The following SV2B variants were observed in gnomAD, a reference collection of about 807,000 sequenced individuals.
The protein encoded by SV2B is synaptic vesicle glycoprotein 2B.
SV2B carries 41 observed loss-of-function variants against 73.9 expected under a neutral mutation model. That is an observed-to-expected ratio of 0.56 (90% confidence interval 0.43 to 0.72). The LOEUF is 0.72. Ranked by LOEUF, SV2B falls within the 30% of genes least tolerant of loss-of-function variation. The pLI is 0.00. For missense variants in SV2B, 764 were observed against 857.8 expected (o/e 0.89, Z 1.37); for synonymous variants, 314 against 314.2 (o/e 1.00, Z 0.01).
At position 91,284,659 on chromosome 15, in the gene SV2B, T is replaced by C. The variant is rs1377015829; in HGVS notation, c.1708+438T>C. ...TAGGCTTTGGAGTTGGACAGAGTCA[T>C]GTTGAAATCCTATCACCGAAAGGCT... On this transcript the variant is annotated intron_variant, in intron 11 of 12. Transcript: ENST00000394232. The surrounding 1 kb of genome is among the most constrained non-coding windows in gnomAD (Gnocchi z 4.5). Among the ~76,000 whole-genome samples the C allele has an allele frequency of 6.6e-6, 1 of 152,350 alleles. No homozygotes were observed. The highest frequency in any genetic ancestry group is 1.9e-4 in the East Asian group (1 of 5,182).
In SV2B at chr15:91,141,976, G is replaced by A. The variant is rs2043010167; in HGVS notation, c.-392+41613G>A. ...AGGAATGGCACAAAGAGAGCAGGGA[G>A]GCAGAGAGGTAAGATACACGGCTTT... is the stretch of plus-strand genomic sequence containing the variant. On this transcript the variant is annotated intron_variant, in intron 1 of 12. Coordinates refer to ENST00000394232, the MANE Select transcript of SV2B (RefSeq NM_001323032.3). This position sits in a 1 kb window ranked among gnomAD's most constrained non-coding sequence, Gnocchi z 4.6. 6.6e-6 allele frequency among the ~76,000 whole-genome samples: 1 copy of A among 152,142 alleles called. No homozygotes were observed. The highest frequency in any genetic ancestry group is 6.6e-5 in the Admixed American group (1 of 15,264).
chr15:91,146,183 TTTCAATC>T lies in SV2B; in HGVS notation c.-392+45824_-392+45830del, dbSNP rs557367994. 4.6e-5 allele frequency among the ~76,000 whole-genome samples: 7 copies of T among 152,378 alleles called. No homozygotes were observed. In the South Asian group the frequency reaches 1.2e-3, roughly 27 times the overall value. ...TATATGGTGTAAGGAAGGGATCCAGTTTCAATCTTCTGCATATGGCTAGCCAGTTATC... is the reference window on the plus strand; with the variant it reads ...TATATGGTGTAAGGAAGGGATCCAGTTTCTGCATATGGCTAGCCAGTTATC... On this transcript the variant is annotated intron_variant, in intron 1 of 12. Transcript: ENST00000394232.
chr15:91,180,366 T>C (rs892018616), intron 1 of SV2B, among the ~76,000 whole-genome samples: 5 of 152,022 alleles, frequency 3.3e-5, no homozygotes, highest in African/African-American at 7.2e-5. Context: ...CTGACAATTA[T>C]GTGTCTTGGA....
chr15:91,196,527 G>C (rs2045250948), intron 1 of SV2B, among the ~76,000 whole-genome samples: 1 of 152,214 alleles, frequency 6.6e-6, no homozygotes, highest in Admixed American at 6.5e-5. Context: ...GAGGCCGGTT[G>C]TGGGATATGG....
chr15:91,269,856 C>T (rs1432446271), intron 9 of SV2B, among the ~76,000 whole-genome samples: 20 of 152,002 alleles, frequency 1.3e-4, no homozygotes, highest in African/African-American at 2.4e-5. Flanking sequence ...ATGCTGAAGC[C>T]CAGTTGCAGA....
In SV2B at chr15:91,224,853, A is replaced by G. The variant is rs1188659539; in HGVS notation, c.-391-1020A>G. Among the ~76,000 whole-genome samples, 1 of 152,166 alleles carries G rather than the reference A, an allele frequency of 6.6e-6. No homozygotes were observed. Among genetic ancestry groups the G allele is most frequent in the Non-Finnish European group, 1.5e-5 (1 of 68,030 alleles). Reference sequence around the variant, plus strand: ...GGCCCCAAGCCTTGTGAAACCTGAGATTCTAGGCACAATGAGAATCCACTG... The same window carrying G: ...GGCCCCAAGCCTTGTGAAACCTGAGGTTCTAGGCACAATGAGAATCCACTG... On this transcript the variant is annotated intron_variant, in intron 1 of 12. Transcript: ENST00000394232. This position sits in a 1 kb window ranked among gnomAD's most constrained non-coding sequence, Gnocchi z 4.9.
At chr15:91,233,619 G>A (rs2141523887) in intron 2 of SV2B, among the ~76,000 whole-genome samples, 1 of 152,316 alleles carries the variant, frequency 6.6e-6, no homozygotes, top group South Asian at 2.1e-4. Context: ...TGTGTGGGAA[G>A]ACTGATGAAA....
intron 6 of SV2B, among the ~76,000 whole-genome samples, chr15:91,262,359 A>C (rs59347374): frequency 0.1 from 15,461 of 152,244 alleles, 1,725 homozygotes; most frequent in African/African-American, 0.28. Context: ...TCATAAATTA[A>C]CTCAAGTTAT....
At chr15:91,178,690 G>A (rs1712566485) in intron 1 of SV2B, among the ~76,000 whole-genome samples, 2 of 151,546 alleles carry the variant, frequency 1.3e-5, no homozygotes, top group Non-Finnish European at 2.9e-5. Context: ...AGAGGTGTTT[G>A]TAGTATTCTC....
rs1261848929 is a variant in SV2B, at chr15:91,301,465, TTGG to T, written c.*8916_*8918del. Among the ~76,000 whole-genome samples, 1 of 152,252 alleles carries T rather than the reference TTGG, an allele frequency of 6.6e-6. No homozygotes were observed. On this transcript the variant is annotated 3_prime_UTR_variant, in exon 13 of 13. Transcript: ENST00000394232. The surrounding 1 kb of genome is among the most constrained non-coding windows in gnomAD (Gnocchi z 4.3). Reference sequence around the variant, plus strand: ...ATAGTAGTAACAGTTGATCTGGTGATTGGTGAATACAGTTTAATCTTTAATACC... The same window carrying T: ...ATAGTAGTAACAGTTGATCTGGTGATTGAATACAGTTTAATCTTTAATACC...
intron 1 of SV2B, among the ~76,000 whole-genome samples, chr15:91,177,104 A>C (rs12908328): frequency 0.73 from 105,587 of 145,368 alleles, 39,448 homozygotes; most frequent in African/African-American, 0.91. Flanking sequence ...TCAGCTTTCA[A>C]CATATGGCTA....
rs1346505541 is a variant in SV2B at position 91,298,901 on chromosome 15, C to T, written c.*6349C>T. The stretch of plus-strand genomic sequence containing the variant: ...TGGTGGCCCTGTCCTCCACTTCTTA[C>T]CTACCATATATAATCTCAGTAATTC... On this transcript the variant is annotated 3_prime_UTR_variant, in exon 13 of 13. Transcript: ENST00000394232. The surrounding 1 kb of genome is among the most constrained non-coding windows in gnomAD (Gnocchi z 5.4). 1 of 152,140 alleles carries T rather than the reference C, an allele frequency of 6.6e-6. No homozygotes were observed. The highest frequency in any genetic ancestry group is 1.5e-5 in the Non-Finnish European group (1 of 68,022). The allele number at this position is 152,140 out of a possible 1,614,324, so 9.4% of individuals were successfully genotyped here.
rs2047172589 is a variant in SV2B, at chr15:91,245,130, A to G, written c.452-6689A>G. On this transcript the variant is annotated intron_variant, in intron 2 of 12. Transcript: ENST00000394232. The surrounding 1 kb of genome is among the most constrained non-coding windows in gnomAD (Gnocchi z 4.2). Reference sequence around the variant, plus strand: ...TCCTGCTGCCTCTGGTGTGGAGAGGAAATCTTCTGTCTGTGTGAAAAGCAT... The same window carrying G: ...TCCTGCTGCCTCTGGTGTGGAGAGGGAATCTTCTGTCTGTGTGAAAAGCAT... Among the ~76,000 whole-genome samples, 1 of 152,170 alleles carries G rather than the reference A, an allele frequency of 6.6e-6. No individual in the cohort carries two copies. Among genetic ancestry groups the G allele is most frequent in the Admixed American group, 6.5e-5 (1 of 15,272 alleles).
At chr15:91,270,066 C>T (rs763025347) in intron 9 of SV2B, among the ~76,000 whole-genome samples, 1 of 152,050 alleles carries the variant, frequency 6.6e-6, no homozygotes, top group South Asian at 2.1e-4. Context: ...GAAATATCAC[C>T]CTTGCTTTAT....
In SV2B at chr15:91,239,194, C is replaced by G. The variant is rs1367100218; in HGVS notation, c.451+12480C>G. ...ACATCCTCTTCTCCGTGTGGGCTGG[C>G]CTGGCTGCTTGAATGTGTGGAGTGT... On this transcript the variant is annotated intron_variant, in intron 2 of 12. Coordinates refer to ENST00000394232, the MANE Select transcript of SV2B (RefSeq NM_001323032.3). The surrounding 1 kb of genome is among the most constrained non-coding windows in gnomAD (Gnocchi z 5.1). Among the ~76,000 whole-genome samples the G allele has an allele frequency of 6.6e-6, 1 of 152,126 alleles. No homozygotes were observed. Among genetic ancestry groups the G allele is most frequent in the African/African-American group, 2.4e-5 (1 of 41,432 alleles).
At chr15:91,119,463 C>T (rs760671227) in intron 1 of SV2B, among the ~76,000 whole-genome samples, 16 of 152,312 alleles carry the variant, frequency 1.1e-4, no homozygotes, top group Non-Finnish European at 2.4e-4. Context: ...GAGTGCGACT[C>T]GTTTCAAGCT....
rs1445523022 is a variant in SV2B, at chr15:91,223,630, T to C, written c.-391-2243T>C. 6.6e-6 allele frequency among the ~76,000 whole-genome samples: 1 copy of C among 152,208 alleles called. No homozygotes were observed. The highest frequency in any genetic ancestry group is 1.5e-5 in the Non-Finnish European group (1 of 68,032). On this transcript the variant is annotated intron_variant, in intron 1 of 12. Coordinates refer to ENST00000394232, the MANE Select transcript of SV2B (RefSeq NM_001323032.3). This position sits in a 1 kb window ranked among gnomAD's most constrained non-coding sequence, Gnocchi z 4.6. The stretch of plus-strand genomic sequence containing the variant: ...AGGTGGCGTTCTTTCCATGTTTTTA[T>C]AGCGCTCTGCAAACTCTCCTGCTGT...
At chr15:91,201,203 A>G (rs2045447853) in intron 1 of SV2B, among the ~76,000 whole-genome samples, 2 of 152,118 alleles carry the variant, frequency 1.3e-5, no homozygotes, top group South Asian at 4.2e-4. Flanking sequence ...CCAGTGAATC[A>G]CACCCTTTTT....
At chr15:91,134,213 G>A (rs1394972804) in intron 1 of SV2B, among the ~76,000 whole-genome samples, 1 of 151,954 alleles carries the variant, frequency 6.6e-6, no homozygotes, top group Non-Finnish European at 1.5e-5. Flanking sequence ...GGCCAGGCTA[G>A]TCTCGAACTC....
Sources: allele counts gnomAD v4.1 joint callset (sites outside exome capture counted in the v4.1 genomes callset), GRCh38; gene constraint gnomAD v4.1.1; non-coding constraint Gnocchi (gnomAD v3.1); transcripts MANE v1.5; gene names NCBI Gene and HGNC (gene_info 2026-07-23, HGNC 2026-07-21).